CNTN4: variants seen among roughly 807,000 people sequenced by gnomAD.
CNTN4 encodes the protein contactin-4.
A neutral mutation model predicts 122.5 loss-of-function variants in CNTN4; 77 were observed. That is an observed-to-expected ratio of 0.63 (90% CI 0.52 to 0.76). The LOEUF is 0.76. CNTN4 is among the 30% of genes least tolerant of loss of function. The probability of loss-of-function intolerance (pLI) is 0.00; values close to 1 mark genes in which losing one functional copy is unlikely to be tolerated. For missense variants in CNTN4, 1,256 were observed against 1,259.1 expected (o/e 1.00, Z 0.04); for synonymous variants, 512 against 447.0 (o/e 1.15, Z -1.83).
chr3:2,204,691 A>T (rs1321547720), intron 2 of CNTN4, among the ~76,000 whole-genome samples: 2 of 152,140 alleles, frequency 1.3e-5, no homozygotes, highest in Non-Finnish European at 2.9e-5. Context: ...TTTTAAAAGA[A>T]CTGTTGGTTT....
intron 3 of CNTN4, among the ~76,000 whole-genome samples, chr3:2,510,006 C>T (rs2076837961): frequency 6.6e-6 from 1 of 152,220 alleles, no homozygotes. Context: ...TAAATAAGAC[C>T]ATTTCCTGCC....
intron 6 of CNTN4, among the ~76,000 whole-genome samples, chr3:2,816,649 C>T (rs1192497588): frequency 5.3e-5 from 8 of 150,894 alleles, no homozygotes; most frequent in Admixed American, 1.3e-4. Flanking sequence ...GGTGAAACCC[C>T]GTCTCTACTA....
Position 2,457,596 on chromosome 3 carries a change from T to C in CNTN4, c.-88-113820T>C, listed in dbSNP as rs73804596. Among the ~76,000 whole-genome samples the C allele has an allele frequency of 5.2e-3, 792 of 152,288 alleles. 10 individuals carry two copies. The highest frequency in any genetic ancestry group is 0.018 in the African/African-American group (731 of 41,566). ...ATGGTTGGGCGCAGATTCCCATTTA[T>C]GTCCTCAATCAGCTCATTTTAAGCT... On this transcript the variant is annotated intron_variant, in intron 3 of 24. Transcript: ENST00000418658.
At chr3:2,135,847 C>T (rs114230281) in intron 2 of CNTN4, among the ~76,000 whole-genome samples, 325 of 152,318 alleles carry the variant, frequency 2.1e-3, no homozygotes, top group African/African-American at 7.6e-3. Context: ...ACTAGAGAGG[C>T]AAGCCAGTGC....
chr3:2,208,455 GA>G (rs2038462041), intron 2 of CNTN4, among the ~76,000 whole-genome samples: 1 of 152,120 alleles, frequency 6.6e-6, no homozygotes, highest in African/African-American at 2.4e-5. Context: ...GGTTCTGATG[GA>G]TGAGCAAACA....
At position 2,543,254 on chromosome 3, in the gene CNTN4, A is replaced by G. The variant is rs375507649; in HGVS notation, c.-88-28162A>G. 3.3e-5 allele frequency among the ~76,000 whole-genome samples: 5 copies of G among 152,166 alleles called. No homozygotes were observed. In the East Asian group the frequency reaches 5.8e-4, roughly 18 times the overall value. ...AATAAAGAACTAAGCGCCTGACCTT[A>G]TGCTTGAAAGAGTTACCAGGTGAAG... is the stretch of plus-strand genomic sequence containing the variant. On this transcript the variant is annotated intron_variant, in intron 3 of 24. Coordinates refer to ENST00000418658, the MANE Select transcript of CNTN4 (RefSeq NM_175607.3).
chr3:2,099,503 T>G (rs2031711449), intron 1 of CNTN4: 1 of 152,450 alleles, frequency 6.6e-6, no homozygotes, highest in Non-Finnish European at 1.5e-5. Flanking sequence ...GACCTGGGAC[T>G]AAAGGAACAG....
At chr3:2,373,770 G>A (rs1342513708) in intron 3 of CNTN4, among the ~76,000 whole-genome samples, 3 of 152,172 alleles carry the variant, frequency 2.0e-5, no homozygotes, top group Non-Finnish European at 2.9e-5. Context: ...GATACAGTAT[G>A]TGGAAGCATT....
intron 14 of CNTN4, among the ~76,000 whole-genome samples, chr3:3,017,260 A>G (rs1174716503): frequency 6.6e-6 from 1 of 152,218 alleles, no homozygotes; most frequent in Non-Finnish European, 1.5e-5. Flanking sequence ...ATGTTTTAAA[A>G]CTGTAAAAAT....
intron 2 of CNTN4, among the ~76,000 whole-genome samples, chr3:2,121,150 C>T (rs1175820644): frequency 6.6e-6 from 1 of 151,700 alleles, no homozygotes; most frequent in African/African-American, 2.4e-5. Flanking sequence ...TTTCCCCTTC[C>T]TCTCTTTGTT....
At chr3:2,305,940 T>A (rs1335662222) in intron 2 of CNTN4, among the ~76,000 whole-genome samples, 1 of 152,204 alleles carries the variant, frequency 6.6e-6, no homozygotes. Flanking sequence ...TTAAAATTAA[T>A]CCATGTTATA....
At chr3:2,866,121 A>G (rs2093721545) in intron 7 of CNTN4, among the ~76,000 whole-genome samples, 2 of 152,208 alleles carry the variant, frequency 1.3e-5, no homozygotes, top group Admixed American at 6.5e-5. Context: ...GTGAGAAGAA[A>G]AAATTTGAGT....
intron 6 of CNTN4, among the ~76,000 whole-genome samples, chr3:2,762,930 T>C (rs116824681): frequency 0.011 from 1,697 of 149,522 alleles, 29 homozygotes; most frequent in African/African-American, 0.04. Context: ...TGATCAGTGA[T>C]GTCAAGCTTT....
chr3:2,781,871 C>CACA (rs1224889538), intron 6 of CNTN4, among the ~76,000 whole-genome samples: 5 of 88,726 alleles, frequency 5.6e-5, no homozygotes, highest in Non-Finnish European at 1.1e-4. Flanking sequence ...ACTGCAGGCG[C>CACA]CCGCACCACG....
intron 13 of CNTN4, among the ~76,000 whole-genome samples, chr3:2,953,141 C>G (rs540487449): frequency 6.6e-6 from 1 of 152,310 alleles, no homozygotes; most frequent in African/African-American, 2.4e-5. Context: ...TGATCTCAAA[C>G]TCAGCACATT....
chr3:3,032,279 T>G (rs1352960492), intron 16 of CNTN4, among the ~76,000 whole-genome samples: 1 of 152,222 alleles, frequency 6.6e-6, no homozygotes, highest in Non-Finnish European at 1.5e-5. Context: ...TGCTGAAAAT[T>G]TATCCTCTAT....
chr3:2,646,182 A>G (rs2083110434), intron 4 of CNTN4, among the ~76,000 whole-genome samples: 1 of 152,198 alleles, frequency 6.6e-6, no homozygotes. Flanking sequence ...AAAAGTATCT[A>G]CTAGTGTGGA....
chr3:2,719,441 T>C (rs900715206), intron 4 of CNTN4, among the ~76,000 whole-genome samples: 6 of 152,096 alleles, frequency 3.9e-5, no homozygotes, highest in African/African-American at 1.4e-4. Flanking sequence ...ACTGCAGGAA[T>C]GCACCACCAT....
intron 3 of CNTN4, among the ~76,000 whole-genome samples, chr3:2,400,045 G>C (rs80250679): frequency 6.6e-6 from 1 of 151,954 alleles, no homozygotes; most frequent in South Asian, 2.1e-4. Flanking sequence ...GACTAATTAC[G>C]GGCTTGGGTT....
Sources: gnomAD v4.1 joint callset for allele counts (sites outside exome capture counted in the v4.1 genomes callset) on GRCh38, gnomAD v4.1.1 for gene constraint, MANE v1.5 for transcripts, NCBI Gene and HGNC (gene_info 2026-07-23, HGNC 2026-07-21) for gene names.